Variants in TGS1 observed in about 807,000 individuals in gnomAD.
TGS1 encodes trimethylguanosine synthase 1, also known as trimethylguanosine synthase.
In TGS1, 69 loss-of-function variants were observed where a neutral mutation model predicts 92.2. The observed-to-expected ratio is 0.75, with a 90% CI of 0.62 to 0.91. TGS1 has a LOEUF of 0.91. TGS1 is among the 40% of genes least tolerant of loss of function. TGS1 has a pLI of 0.00. For missense variants in TGS1, 1,062 were observed against 1,001.2 expected (o/e 1.06, Z -0.82); for synonymous variants, 345 against 338.1 (o/e 1.02, Z -0.22).
chr8:55,775,240 GAA>G (rs79673849), intron 1 of TGS1, among the ~76,000 whole-genome samples: 4 of 103,092 alleles, frequency 3.9e-5, no homozygotes, highest in African/African-American at 7.0e-5. Context: ...ACTCTGTCCC[GAA>G]AAAAAAAAAG....
chr8:55,785,669 C>A, intron 2 of TGS1, 50 bp from the exon 3 acceptor site: 2 of 1,345,716 alleles, frequency 1.5e-6, no homozygotes, highest in Non-Finnish European at 2.0e-6. Context: ...AATAAGAAAA[C>A]CTGCCTCTTA....
intron 12 of TGS1, 21 bp downstream of exon 12, chr8:55,813,139 T>C: frequency 6.6e-7 from 1 of 1,521,910 alleles, no homozygotes; most frequent in Non-Finnish European, 9.1e-7. Flanking sequence ...ACTGAAAAAC[T>C]TCCATGAGTG....
chr8:55,787,505 A>G (rs1811753952), intron 4 of TGS1, among the ~76,000 whole-genome samples: 1 of 152,224 alleles, frequency 6.6e-6, no homozygotes, highest in Non-Finnish European at 1.5e-5. Flanking sequence ...ATGGGGCACA[A>G]TATTAATTTA....
At chr8:55,781,218 G>A (rs952695828) in intron 1 of TGS1, among the ~76,000 whole-genome samples, 1 of 152,100 alleles carries the variant, frequency 6.6e-6, no homozygotes, top group Non-Finnish European at 1.5e-5. Context: ...TATGTCTGCT[G>A]TGTATATAAA....
chr8:55,783,684 C>T (rs919276442), intron 2 of TGS1, among the ~76,000 whole-genome samples: 1 of 152,174 alleles, frequency 6.6e-6, no homozygotes, highest in African/African-American at 2.4e-5. Flanking sequence ...TTCCTAGACA[C>T]AGAGAAAATT....
intron 1 of TGS1, among the ~76,000 whole-genome samples, chr8:55,776,349 C>T (rs1267226187): frequency 6.8e-6 from 1 of 146,870 alleles, no homozygotes; most frequent in Non-Finnish European, 1.5e-5. Context: ...GGCGAGATCT[C>T]TGCTCACTGC....
At chr8:55,804,060 T>C (rs1338449488) in intron 9 of TGS1, among the ~76,000 whole-genome samples, 1 of 152,214 alleles carries the variant, frequency 6.6e-6, no homozygotes, top group Non-Finnish European at 1.5e-5. Context: ...TTTCTGACAA[T>C]GATGAGGGCT....
At chr8:55,784,086 A>G (rs917864242) in intron 2 of TGS1, among the ~76,000 whole-genome samples, 10 of 152,200 alleles carry the variant, frequency 6.6e-5, no homozygotes, top group Admixed American at 5.9e-4. Context: ...TTTTGGCTAT[A>G]TAAGATTTAC....
At chr8:55,810,395 G>A (rs144698721) in intron 10 of TGS1, among the ~76,000 whole-genome samples, 35 of 152,286 alleles carry the variant, frequency 2.3e-4, no homozygotes, top group Non-Finnish European at 4.3e-4. Flanking sequence ...TCATCACTTG[G>A]CTACATAAGT....
rs540109319 is a variant in TGS1 at position 55,801,467 on chromosome 8, G to A, written c.1850-990G>A. ...TGTATTTTTTTTTAGTAGAGATGGG[G>A]TTTCACCATGTTGGTCAGGCTGATC... On this transcript the variant is annotated intron_variant, in intron 8 of 12. Transcript: ENST00000260129. Among the ~76,000 whole-genome samples, 61 of 149,990 alleles carry A rather than the reference G, an allele frequency of 4.1e-4. 1 individual carries two copies. The highest frequency in any genetic ancestry group is 7.1e-3 in the Middle Eastern group (2 of 280).
Position 55,790,231 on chromosome 8 carries a change from C to G in TGS1, c.1212C>G (p.Ala404=). 1 of 1,614,036 alleles carries G rather than the reference C, an allele frequency of 6.2e-7. No homozygotes were observed. The highest frequency in any genetic ancestry group is 8.5e-7 in the Non-Finnish European group (1 of 1,179,946). The change falls in exon 5 of 13, where the codon GCC becomes GCG. Residue 404 remains alanine, a synonymous_variant. Transcript: ENST00000260129. ...GANTSKDRPH[A]SGTDGDESEE... is the part of the protein sequence containing the mutation. ...ACACAAGCAAAGACAGACCACATGC[C>G]AGTGGTACTGATGGAGATGAAAGTG...
At chr8:55,816,893 C>T (rs1398302201) in intron 12 of TGS1, among the ~76,000 whole-genome samples, 4 of 149,568 alleles carry the variant, frequency 2.7e-5, no homozygotes, top group East Asian at 2.0e-4. Flanking sequence ...CAGAGTCTTG[C>T]TCTGTTGCCC....
rs182048181 is a variant in TGS1 at position 55,786,657 on chromosome 8, G to A, written c.759G>A (p.Gln253=). 5.0e-6 allele frequency: 8 copies of A among 1,614,164 alleles called. No individual in the cohort carries two copies. The highest frequency in any genetic ancestry group is 6.8e-6 in the Non-Finnish European group (8 of 1,180,024). The change falls in exon 4 of 13, where the codon CAG becomes CAA. Residue 253 remains glutamine (Q), a synonymous_variant. Transcript: ENST00000260129. ...QLYWYYLEQF[Q]YWEAQGWTFD... is the part of the protein sequence containing the mutation. ...ATTGGTATTATTTGGAACAATTTCA[G>A]TATTGGGAAGCTCAGGGTTGGACTT...
rs111520676 is a variant in TGS1, at chr8:55,803,692, C to CT, written c.1999+1097dup. 6.9e-3 allele frequency among the ~76,000 whole-genome samples: 999 copies of CT among 144,200 alleles called. 2 individuals are homozygous for CT. The highest frequency in any genetic ancestry group is 0.043 in the Middle Eastern group (12 of 282). 94.6% of individuals were successfully genotyped at this position (144,200 alleles called of 152,430 possible). On this transcript the variant is annotated intron_variant, in intron 9 of 12. Coordinates refer to ENST00000260129, the MANE Select transcript of TGS1 (RefSeq NM_024831.8). ...TTCTTTTCTTTTTATTTTTTCTTTT[C>CT]TTTTTTTTTTTATTTTTTTTAGACA... is the stretch of plus-strand genomic sequence containing the variant.
chr8:55,803,133 GT>G (rs1389952829), intron 9 of TGS1, among the ~76,000 whole-genome samples: 1 of 150,128 alleles, frequency 6.7e-6, no homozygotes, highest in African/African-American at 2.5e-5. Context: ...TTGGGGGGGT[GT>G]GTGTGTGTGT....
At position 55,810,956 on chromosome 8, in the gene TGS1, A is replaced by G. The variant is rs757004757; in HGVS notation, c.2219A>G (p.Lys740Arg). 39 of 1,614,060 alleles carry G rather than the reference A, an allele frequency of 2.4e-5. No individual in the cohort carries two copies. The highest frequency in any genetic ancestry group is 3.3e-5 in the Non-Finnish European group (39 of 1,180,052). Residue 740 changes from lysine (K) to arginine (R), a missense_variant, in exon 11 of 13, where the codon AAG (lysine) becomes AGG (arginine). Lys to Arg is a conservative substitution (Grantham distance 26). Transcript: ENST00000260129. ...NNAEVYGIAD[K>R]IEFICGDFLL... The stretch of plus-strand genomic sequence containing the variant: ...GCAGAAGTTTATGGGATAGCAGATA[A>G]GATAGAGTTCATCTGTGGAGATTTC...
In TGS1 at chr8:55,773,650, A is replaced by G; in HGVS notation, c.32A>G (p.Glu11Gly). 6.2e-7 allele frequency: 1 copy of G among 1,611,234 alleles called. No individual in the cohort carries two copies. Among genetic ancestry groups the G allele is most frequent in the South Asian group, 1.1e-5 (1 of 90,460 alleles). Residue 11 changes from glutamate (E) to glycine (G), a missense_variant, in exon 1 of 13, where the codon GAA (glutamate) becomes GGA (glycine). Coordinates refer to ENST00000260129, the MANE Select transcript of TGS1 (RefSeq NM_024831.8). MCCEKWSRVAEMFLFIEERED... is the reference protein window; with the variant it reads MCCEKWSRVAGMFLFIEERED... ...TGCGAGAAGTGGAGCCGCGTGGCGG[A>G]AATGTTTCTCTTCATTGAGGAGCGG...
rs1811705244 is a variant in TGS1, at chr8:55,786,268, A to G, written c.370A>G (p.Ile124Val). The G allele has an allele frequency of 1.3e-6, 2 of 1,489,032 alleles. No homozygotes were observed. Among genetic ancestry groups the G allele is most frequent in the Non-Finnish European group, 9.1e-7 (1 of 1,100,708 alleles). 92.2% of individuals were successfully genotyped at this position (1,489,032 alleles called of 1,614,324 possible). Residue 124 changes from isoleucine (I) to valine (V), a missense_variant, in exon 4 of 13, where the codon ATA (isoleucine) becomes GTA (valine). Ile to Val is a conservative substitution (Grantham distance 29, BLOSUM62 3). Transcript: ENST00000260129. ...TATGAATACTAGAAATAAAGTTAAA[A>G]TAAAAAAGAAAAAACATCAAAAGAA... ...VSMNTRNKVKIKKKKHQKKYL... is the reference protein window; with the variant it reads ...VSMNTRNKVKVKKKKHQKKYL...
intron 10 of TGS1, among the ~76,000 whole-genome samples, chr8:55,806,448 C>T (rs1260955688): frequency 1.4e-5 from 2 of 146,450 alleles, no homozygotes; most frequent in African/African-American, 5.0e-5. Context: ...TTATGATTTA[C>T]TTAGTAACAA....
Sources: allele counts gnomAD v4.1 joint callset (sites outside exome capture counted in the v4.1 genomes callset), GRCh38; gene constraint gnomAD v4.1.1; transcripts MANE v1.5; gene names NCBI Gene and HGNC (gene_info 2026-07-23, HGNC 2026-07-21).